Variants in CYP4X1 observed in about 807,000 individuals in gnomAD.
The protein encoded by CYP4X1 is cytochrome P450 family 4 subfamily X member 1.
Under a neutral mutation model 57.9 loss-of-function variants are expected in CYP4X1, and 44 were observed. The ratio of observed to expected loss-of-function variants is 0.76; its 90% CI spans 0.60 to 0.98. CYP4X1 has a LOEUF of 0.98. Among genes scored for constraint, CYP4X1 ranks in the 50% least tolerant of loss-of-function variants. The probability of loss-of-function intolerance (pLI) is 0.00; values close to 1 mark genes in which losing one functional copy is unlikely to be tolerated. For synonymous variants in CYP4X1, 227 were observed against 228.6 expected, an observed-to-expected ratio of 0.99 and a Z score of 0.06; for missense variants, 532 against 623.9, an observed-to-expected ratio of 0.85 and a Z score of 1.57.
At chr1:47,011,207 G>T in the CYP4X1 span, among the ~76,000 whole-genome samples, 8 of 152,146 alleles carry the variant, frequency 5.3e-5, no homozygotes. Context: ...TACCAAAACA[G>T]AGATATAGAC....
chr1:47,026,494 A>G (rs1361842898), intron 1 of CYP4X1, among the ~76,000 whole-genome samples: 1 of 152,080 alleles, frequency 6.6e-6, no homozygotes, highest in African/African-American at 2.4e-5. Flanking sequence ...GCACTTTGGT[A>G]TTTTCCAAGA....
the CYP4X1 span, among the ~76,000 whole-genome samples, chr1:47,009,673 T>TAA: frequency 3.3e-5 from 5 of 151,748 alleles, no homozygotes; most frequent in African/African-American, 1.2e-4. Flanking sequence ...GCAAGACTAA[T>TAA]AAAGAAGAAA....
the CYP4X1 span, among the ~76,000 whole-genome samples, chr1:46,984,393 A>G: frequency 6.6e-6 from 1 of 151,648 alleles, no homozygotes; most frequent in East Asian, 1.9e-4. Context: ...AAAAAAAAAA[A>G]AAAAAAAACC....
intron 2 of CYP4X1, among the ~76,000 whole-genome samples, chr1:47,030,778 C>T (rs1644116342): frequency 1.3e-5 from 2 of 152,124 alleles, no homozygotes; most frequent in Non-Finnish European, 2.9e-5. Flanking sequence ...GCATTGTATC[C>T]ACCACTCCTA....
the CYP4X1 span, among the ~76,000 whole-genome samples, chr1:46,985,545 C>T: frequency 6.6e-6 from 1 of 152,198 alleles, no homozygotes; most frequent in Non-Finnish European, 1.5e-5. Flanking sequence ...TCAACTGGGT[C>T]CCTGATCCCC....
rs368513359 is a variant in CYP4X1 at position 47,030,032 on chromosome 1, G to T, written c.220G>T (p.Glu74Ter). ...DNMEKLEEIIEKYPRAFPFWI... is the reference protein window; with the variant it reads ...DNMEKLEEII ...CATGGAGAAGCTTGAGGAAATTATT[G>T]AAAAATACCCTCGTGCCTTCCCTTT... is the stretch of plus-strand genomic sequence containing the variant. Residue 74 changes from glutamate to a stop codon, truncating the protein, a stop_gained, in exon 2 of 12, where the codon GAA (glutamate) becomes TAA (stop). Transcript: ENST00000371901. LOFTEE classifies it high-confidence loss of function. 6.0e-5 allele frequency: 97 copies of T among 1,613,872 alleles called. No individual in the cohort carries two copies. The African/African-American group carries it at 1.2e-3, about 19-fold the overall frequency.
chr1:47,048,724 G>A (rs546191403), intron 10 of CYP4X1, 95 bp downstream of exon 10: 22 of 1,169,352 alleles, frequency 1.9e-5, no homozygotes, highest in South Asian at 9.7e-5. Flanking sequence ...TATAATTAAG[G>A]GAAATGACAC....
chr1:47,048,957 T>G (rs1644331897), intron 10 of CYP4X1, among the ~76,000 whole-genome samples: 1 of 152,252 alleles, frequency 6.6e-6, no homozygotes, highest in Non-Finnish European at 1.5e-5. Flanking sequence ...TAAGTGGATG[T>G]ATCTCCATAG....
At chr1:46,963,930 G>A in the CYP4X1 span, among the ~76,000 whole-genome samples, 2 of 152,150 alleles carry the variant, frequency 1.3e-5, no homozygotes, top group Non-Finnish European at 2.9e-5. Flanking sequence ...TTTCTTGGAG[G>A]CTTTGTTCAT....
the CYP4X1 span, among the ~76,000 whole-genome samples, chr1:46,971,514 G>A: frequency 6.6e-6 from 1 of 152,170 alleles, no homozygotes; most frequent in Non-Finnish European, 1.5e-5. Flanking sequence ...TTCCACAGTG[G>A]TTTAACTAAT....
rs1262259586 is a variant in CYP4X1 at position 47,032,074 on chromosome 1, A to G, written c.364+594A>G. On this transcript the variant is annotated intron_variant, in intron 3 of 11. Transcript: ENST00000371901. ...CCAACAACAAAAAAAAAACTACCCA[A>G]ACTGCAGTCTCACCATCCCTATTCT... 2.0e-5 allele frequency among the ~76,000 whole-genome samples: 3 copies of G among 151,980 alleles called. No individual in the cohort carries two copies. The East Asian group carries it at 5.8e-4, about 29-fold the overall frequency.
the CYP4X1 span, among the ~76,000 whole-genome samples, chr1:46,963,688 C>A: frequency 6.6e-6 from 1 of 152,180 alleles, no homozygotes; most frequent in South Asian, 2.1e-4. Context: ...TTTTTTCCTT[C>A]ATTTCAACTT....
intron 1 of CYP4X1, 138 bp from the exon 2 acceptor site, chr1:47,029,852 A>G (rs1644107260): frequency 1.2e-6 from 1 of 869,252 alleles, no homozygotes; most frequent in Non-Finnish European, 1.8e-6. Context: ...TCCCAAAGAA[A>G]GCATGTTATG....
At chr1:46,986,314 C>A in the CYP4X1 span, among the ~76,000 whole-genome samples, 1 of 151,838 alleles carries the variant, frequency 6.6e-6, no homozygotes, top group Admixed American at 6.6e-5. Flanking sequence ...TGAAATAAAG[C>A]GTGAAGACAA....
chr1:46,986,325 G>C, the CYP4X1 span, among the ~76,000 whole-genome samples: 3 of 152,042 alleles, frequency 2.0e-5, no homozygotes, highest in Non-Finnish European at 4.4e-5. Context: ...GTGAAGACAA[G>C]ATTAGAGAAA....
intron 3 of CYP4X1, among the ~76,000 whole-genome samples, chr1:47,032,888 T>G (rs544134736): frequency 1.1e-4 from 17 of 152,300 alleles, no homozygotes; most frequent in African/African-American, 2.9e-4. Flanking sequence ...TTTAGTATCA[T>G]AGTTCATTAT....
chr1:46,964,080 G>A, the CYP4X1 span, among the ~76,000 whole-genome samples: 2 of 152,204 alleles, frequency 1.3e-5, no homozygotes, highest in Non-Finnish European at 2.9e-5. Context: ...CTCGTGCCAT[G>A]GTTTTCAGCT....
the CYP4X1 span, among the ~76,000 whole-genome samples, chr1:47,000,260 T>C: frequency 6.6e-6 from 1 of 152,162 alleles, no homozygotes; most frequent in Non-Finnish European, 1.5e-5. Flanking sequence ...CCTTCCACCA[T>C]GATTTTATGT....
chr1:47,021,535 C>G (rs1045053464), upstream of CYP4X1, among the ~76,000 whole-genome samples: 2 of 152,164 alleles, frequency 1.3e-5, no homozygotes, highest in Admixed American at 6.5e-5. Context: ...GTTGAGAGCA[C>G]AGGGGATTTT....
Sources: gnomAD v4.1 joint callset for allele counts (sites outside exome capture counted in the v4.1 genomes callset) on GRCh38, gnomAD v4.1.1 for gene constraint, MANE v1.5 for transcripts, NCBI Gene and HGNC (gene_info 2026-07-23, HGNC 2026-07-21) for gene names.